The following ODR4 variants were observed in gnomAD, a reference collection of about 807,000 sequenced individuals.
The protein encoded by ODR4 is protein odr-4 homolog.
A neutral mutation model predicts 60.2 loss-of-function variants in ODR4; 47 were observed. That is an observed-to-expected ratio of 0.78 (90% CI 0.62 to 1.00). The LOEUF (loss-of-function observed/expected upper bound fraction) is 1.00. Ranked by LOEUF, ODR4 falls within the 50% of genes least tolerant of loss-of-function variation. The pLI, the probability that ODR4 is intolerant of heterozygous loss-of-function variation, is 0.00. For synonymous variants in ODR4, 178 were observed against 175.5 expected (o/e 1.01, Z -0.11); for missense variants, 488 against 530.8 (o/e 0.92, Z 0.79).
At chr1:186,398,885 G>A (rs1660802149) in intron 10 of ODR4, 69 bp from the exon 11 acceptor site, 1 of 1,116,640 alleles carries the variant, frequency 9.0e-7, no homozygotes, top group African/African-American at 1.6e-5. Flanking sequence ...TATTTTTTTT[G>A]TTAGTTAAAT....
Position 186,405,764 on chromosome 1 carries a change from T to C in ODR4, c.1001-319T>C, listed in dbSNP as rs566454699. The stretch of plus-strand genomic sequence containing the variant: ...ACGGGGTTTCACCATGTTGGCCACG[T>C]TGGTCTCCAACTCCTGACCTCAAGT... On this transcript the variant is annotated intron_variant, in intron 11 of 13. Coordinates refer to ENST00000287859, the MANE Select transcript of ODR4 (RefSeq NM_017847.6). 2.0e-5 allele frequency among the ~76,000 whole-genome samples: 3 copies of C among 152,062 alleles called. No homozygotes were observed. The South Asian group carries it at 6.2e-4, about 32-fold the overall frequency.
intron 12 of ODR4, among the ~76,000 whole-genome samples, chr1:186,411,154 G>T (rs1661368785): frequency 6.6e-6 from 1 of 152,104 alleles, no homozygotes; most frequent in African/African-American, 2.4e-5. Context: ...ATGCTCAAAG[G>T]AAATGTTCAT....
intron 11 of ODR4, among the ~76,000 whole-genome samples, chr1:186,402,056 T>C (rs1202206151): frequency 6.6e-6 from 1 of 152,076 alleles, no homozygotes; most frequent in Admixed American, 6.5e-5. Flanking sequence ...CTATTTCTTC[T>C]TGTTTTCTGT....
At chr1:186,385,407 A>G (rs748686490) in intron 3 of ODR4, among the ~76,000 whole-genome samples, 5 of 151,118 alleles carry the variant, frequency 3.3e-5, no homozygotes, top group Admixed American at 2.0e-4. Flanking sequence ...ATATAAGACT[A>G]TGTGATAAAA....
At chr1:186,386,435 A>G (rs769970864) in intron 4 of ODR4, among the ~76,000 whole-genome samples, 2 of 152,178 alleles carry the variant, frequency 1.3e-5, no homozygotes, top group Non-Finnish European at 2.9e-5. Context: ...TTACTTCTCA[A>G]TAATAACCAT....
the ODR4 span, among the ~76,000 whole-genome samples, chr1:186,430,535 A>AAATTCTG: frequency 6.6e-6 from 1 of 152,128 alleles, no homozygotes; most frequent in Non-Finnish European, 1.5e-5. Flanking sequence ...CCCATGATTA[A>AAATTCTG]AATTCTGAAT....
At position 186,419,322 on chromosome 1, in the gene ODR4, A is replaced by G. The variant is rs1661697705; in HGVS notation, c.*246A>G. 1.2e-5 allele frequency: 6 copies of G among 495,840 alleles called. No individual in the cohort carries two copies. In the South Asian group the frequency reaches 1.6e-4, roughly 13 times the overall value. The allele number at this position is 495,840 out of a possible 1,614,324, so 30.7% of individuals were successfully genotyped here. On this transcript the variant is annotated 3_prime_UTR_variant, in exon 14 of 14. Coordinates refer to ENST00000287859, the MANE Select transcript of ODR4 (RefSeq NM_017847.6). ...TCTAGATGGAAGCTGCATGTAACAA[A>G]TCATTATTATCTATTTTTAAAAGCT... is the stretch of plus-strand genomic sequence containing the variant.
At chr1:186,415,106 A>G (rs1344955930) in intron 12 of ODR4, among the ~76,000 whole-genome samples, 1 of 148,812 alleles carries the variant, frequency 6.7e-6, no homozygotes, top group Non-Finnish European at 1.5e-5. Flanking sequence ...AAAAGGGGGG[A>G]GGGTTTTTTT....
At chr1:186,417,779 G>T in intron 13 of ODR4, 125 bp downstream of exon 13, 1 of 608,748 alleles carries the variant, frequency 1.6e-6, no homozygotes, top group Non-Finnish European at 2.9e-6. Flanking sequence ...TATTTATTGG[G>T]TATTATGGAA....
downstream of ODR4, among the ~76,000 whole-genome samples, chr1:186,423,792 C>T (rs772308270): frequency 2.0e-5 from 3 of 151,914 alleles, no homozygotes; most frequent in Non-Finnish European, 4.4e-5. Context: ...GAAAAATAAG[C>T]AAATGACAAA....
downstream of ODR4, among the ~76,000 whole-genome samples, chr1:186,422,179 TA>T (rs1661802043): frequency 6.6e-6 from 1 of 152,080 alleles, no homozygotes; most frequent in Non-Finnish European, 1.5e-5. Flanking sequence ...AGGTAAATAC[TA>T]AAAACTTGTG....
downstream of ODR4, among the ~76,000 whole-genome samples, chr1:186,426,175 G>A (rs193094544): frequency 5.9e-5 from 9 of 152,220 alleles, no homozygotes; most frequent in South Asian, 2.1e-4. Context: ...TTGAGGCTAC[G>A]TAAGTTTTGG....
At chr1:186,376,920 A>G in intron 1 of ODR4, among the ~76,000 whole-genome samples, 1 of 152,172 alleles carries the variant, frequency 6.6e-6, no homozygotes, top group East Asian at 1.9e-4. Flanking sequence ...TGTGTCAGTC[A>G]CAGTGCTTGG....
Position 186,390,775 on chromosome 1 carries a change from A to T in ODR4, c.539A>T (p.Glu180Val). ...TTATCATCCTCATGGCTTTCTTTAGAGTGTACAGTTCACATTAATATTCAC... is the reference window on the plus strand; with the variant it reads ...TTATCATCCTCATGGCTTTCTTTAGTGTGTACAGTTCACATTAATATTCAC... Reference protein sequence around the residue: ...SGLSSSWLSLECTVHINIHIP... With the variant: ...SGLSSSWLSLVCTVHINIHIP... Residue 180 changes from glutamate to valine, a missense_variant, in exon 7 of 14, where the codon GAG (glutamate) becomes GTG (valine). Physicochemically the swap from Glu to Val is moderately radical, Grantham distance 121 (BLOSUM62 -2). Coordinates refer to ENST00000287859, the MANE Select transcript of ODR4 (RefSeq NM_017847.6). The T allele has an allele frequency of 6.2e-7, 1 of 1,612,934 alleles. No homozygotes were observed. The highest frequency in any genetic ancestry group is 8.5e-7 in the Non-Finnish European group (1 of 1,179,082).
At chr1:186,406,049 A>G (rs751748235) in intron 11 of ODR4, 34 bp from the exon 12 acceptor site, 2 of 1,431,990 alleles carry the variant, frequency 1.4e-6, no homozygotes, top group African/African-American at 1.4e-5. Context: ...TGACAAACCT[A>G]TCTAAATATT....
chr1:186,379,443 CAAA>C (rs57320656), intron 1 of ODR4, among the ~76,000 whole-genome samples: 8 of 58,496 alleles, frequency 1.4e-4, no homozygotes, highest in African/African-American at 1.5e-4. Context: ...AACTCCGTCT[CAAA>C]AAAAAAAAAA....
At chr1:186,416,454 C>T (rs1354220748) in intron 12 of ODR4, among the ~76,000 whole-genome samples, 1 of 151,872 alleles carries the variant, frequency 6.6e-6, no homozygotes, top group Non-Finnish European at 1.5e-5. Context: ...GGCAGATTAC[C>T]TGATGTCAGG....
Position 186,421,184 on chromosome 1 carries a change from A to G in ODR4, c.*2108A>G, listed in dbSNP as rs1483437186. ...TCCTCAGCACAAATTCAGTAAAGAG[A>G]CTACAAAAGGATGATCTTCAAGAAG... On this transcript the variant is annotated 3_prime_UTR_variant, in exon 14 of 14. Transcript: ENST00000287859. 6.6e-6 allele frequency: 1 copy of G among 152,234 alleles called. No homozygotes were observed. The highest frequency in any genetic ancestry group is 1.5e-5 in the Non-Finnish European group (1 of 68,038). The allele number at this position is 152,234 out of a possible 1,614,324, so 9.4% of individuals were successfully genotyped here.
At chr1:186,408,957 G>A (rs1661272993) in intron 12 of ODR4, among the ~76,000 whole-genome samples, 1 of 151,728 alleles carries the variant, frequency 6.6e-6, no homozygotes, top group African/African-American at 2.4e-5. Context: ...CAAGTATATA[G>A]ACTAGTTTAA....
Sources: allele counts gnomAD v4.1 joint callset (sites outside exome capture counted in the v4.1 genomes callset), GRCh38; gene constraint gnomAD v4.1.1; transcripts MANE v1.5; gene names NCBI Gene and HGNC (gene_info 2026-07-23, HGNC 2026-07-21).